Variants in DCDC2 observed in about 807,000 individuals in gnomAD.
DCDC2 encodes the protein doublecortin domain-containing protein 2.
A neutral mutation model predicts 50.2 loss-of-function variants in DCDC2; 40 were observed. The ratio of observed to expected loss-of-function variants is 0.80; its 90% confidence interval spans 0.62 to 1.04. The LOEUF is 1.04. Among genes scored for constraint, DCDC2 ranks in the 50% least tolerant of loss-of-function variants. The pLI is 0.00. For synonymous variants in DCDC2, 234 were observed against 210.6 expected (o/e 1.11, Z -0.96); for missense variants, 570 against 581.9 (o/e 0.98, Z 0.21).
intron 7 of DCDC2, among the ~76,000 whole-genome samples, chr6:24,253,687 T>TA (rs373891663): frequency 2.6e-4 from 39 of 150,926 alleles, no homozygotes; most frequent in East Asian, 5.8e-4. Context: ...AAAAGTACAG[T>TA]AAAAAAAAAT....
At chr6:24,319,994 C>T (rs959470652) in intron 2 of DCDC2, among the ~76,000 whole-genome samples, 3 of 152,026 alleles carry the variant, frequency 2.0e-5, no homozygotes, top group Admixed American at 6.6e-5. Context: ...AATAAATGGA[C>T]GGTGAAGGAA....
At chr6:24,204,915 T>G (rs1306194683) in intron 8 of DCDC2, 87 bp downstream of exon 8, 2 of 1,253,232 alleles carry the variant, frequency 1.6e-6, no homozygotes, top group African/African-American at 1.5e-5. Context: ...CATACAGGTA[T>G]AGGAACAATT....
intron 2 of DCDC2, among the ~76,000 whole-genome samples, chr6:24,351,959 C>G (rs780923924): frequency 6.6e-6 from 1 of 152,054 alleles, no homozygotes; most frequent in South Asian, 2.1e-4. Context: ...AAAAAATTAG[C>G]CAGGTGTGGT....
intron 7 of DCDC2, among the ~76,000 whole-genome samples, chr6:24,229,888 A>G (rs938620246): frequency 2.0e-5 from 3 of 151,784 alleles, no homozygotes; most frequent in Non-Finnish European, 4.4e-5. Flanking sequence ...CCAAACTCCC[A>G]CCACTGGCCC....
Position 24,328,823 on chromosome 6 carries a change from G to A in DCDC2, c.348+24746C>T, listed in dbSNP as rs369946666. 2.6e-5 allele frequency among the ~76,000 whole-genome samples: 4 copies of A among 152,204 alleles called. No individual in the cohort carries two copies. In the South Asian group the frequency reaches 6.2e-4, roughly 24 times the overall value. On this transcript the variant is annotated intron_variant, in intron 2 of 9. Coordinates refer to ENST00000378454, the MANE Select transcript of DCDC2 (RefSeq NM_016356.5). ...TACAGGTTACTACAGTTATTTGTACGCATATCTACGCTTGCTGGACAACAA... is the reference window on the plus strand; with the variant it reads ...TACAGGTTACTACAGTTATTTGTACACATATCTACGCTTGCTGGACAACAA...
chr6:24,304,557 G>A (rs1200546161), intron 2 of DCDC2, among the ~76,000 whole-genome samples: 1 of 152,176 alleles, frequency 6.6e-6, no homozygotes, highest in African/African-American at 2.4e-5. Flanking sequence ...TAAAGGGGGT[G>A]TACAGTAAAA....
At chr6:24,242,495 C>T (rs1390867898) in intron 7 of DCDC2, among the ~76,000 whole-genome samples, 3 of 152,182 alleles carry the variant, frequency 2.0e-5, no homozygotes, top group Admixed American at 6.5e-5. Context: ...GCTGTGAAGT[C>T]TTCCCCCCAC....
intron 7 of DCDC2, among the ~76,000 whole-genome samples, chr6:24,253,112 T>C (rs906697929): frequency 6.6e-6 from 1 of 152,118 alleles, no homozygotes; most frequent in Admixed American, 6.6e-5. Flanking sequence ...ATTGATGCTC[T>C]ATCCATTTCC....
chr6:24,272,103 G>T (rs1763252036), intron 7 of DCDC2, among the ~76,000 whole-genome samples: 1 of 152,062 alleles, frequency 6.6e-6, no homozygotes, highest in Non-Finnish European at 1.5e-5. Context: ...TCGAAAAAGG[G>T]CTAGTATTTT....
chr6:24,177,377 C>T (rs868120767), intron 9 of DCDC2, among the ~76,000 whole-genome samples: 24 of 152,284 alleles, frequency 1.6e-4, no homozygotes, highest in African/African-American at 2.6e-4. Flanking sequence ...ATTTTGCCAC[C>T]GCTAAACTTG....
At chr6:24,223,351 T>C (rs4052671) in intron 7 of DCDC2, among the ~76,000 whole-genome samples, 6,923 of 152,326 alleles carry the variant, frequency 0.045, 249 homozygotes, top group East Asian at 0.14. Flanking sequence ...CTGACATTTC[T>C]GTACACGAGT....
chr6:24,199,683 G>T (rs962856782), intron 8 of DCDC2, among the ~76,000 whole-genome samples: 34 of 152,148 alleles, frequency 2.2e-4, no homozygotes, highest in Non-Finnish European at 4.9e-4. Context: ...GACAGAAGCA[G>T]GCTTCAGAAG....
intron 2 of DCDC2, among the ~76,000 whole-genome samples, chr6:24,343,763 G>A (rs1760204121): frequency 6.6e-6 from 1 of 152,218 alleles, no homozygotes; most frequent in Non-Finnish European, 1.5e-5. Flanking sequence ...TTGCCAAAAG[G>A]ATCTTATTTT....
chr6:24,342,597 C>T (rs764086817), intron 2 of DCDC2, among the ~76,000 whole-genome samples: 3 of 151,984 alleles, frequency 2.0e-5, no homozygotes, highest in African/African-American at 7.3e-5. Context: ...GGCATACAAC[C>T]GAAATGTGCA....
At chr6:24,283,147 T>C (rs1763515081) in intron 6 of DCDC2, among the ~76,000 whole-genome samples, 1 of 152,256 alleles carries the variant, frequency 6.6e-6, no homozygotes, top group Admixed American at 6.5e-5. Flanking sequence ...GCTATGATTC[T>C]ACATGGTGTC....
intron 7 of DCDC2, among the ~76,000 whole-genome samples, chr6:24,253,945 A>G (rs1467240928): frequency 1.3e-5 from 2 of 152,222 alleles, no homozygotes; most frequent in Non-Finnish European, 2.9e-5. Context: ...TTAATTTTTT[A>G]ACTTGACTCT....
At chr6:24,352,503 A>G (rs1760391669) in intron 2 of DCDC2, among the ~76,000 whole-genome samples, 1 of 152,204 alleles carries the variant, frequency 6.6e-6, no homozygotes, top group South Asian at 2.1e-4. Context: ...AATTTGATGC[A>G]CTGAAAATAC....
At chr6:24,307,187 A>G (rs1759489337) in intron 2 of DCDC2, among the ~76,000 whole-genome samples, 1 of 152,170 alleles carries the variant, frequency 6.6e-6, no homozygotes, top group Non-Finnish European at 1.5e-5. Context: ...TGCTTCTGAG[A>G]ATCCCTCTGC....
chr6:24,251,729 AT>A (rs1473156880), intron 7 of DCDC2, among the ~76,000 whole-genome samples: 1 of 152,202 alleles, frequency 6.6e-6, no homozygotes, highest in African/African-American at 2.4e-5. Flanking sequence ...TTTCTTAAGC[AT>A]TATAAGTAAA....
Sources: gnomAD v4.1 joint callset for allele counts (sites outside exome capture counted in the v4.1 genomes callset) on GRCh38, gnomAD v4.1.1 for gene constraint, MANE v1.5 for transcripts, NCBI Gene and HGNC (gene_info 2026-07-23, HGNC 2026-07-21) for gene names.